Variants in ASTN1 observed in about 807,000 individuals in gnomAD.
ASTN1 encodes the protein astrotactin-1.
ASTN1 carries 41 observed loss-of-function variants against 140.7 expected under a neutral mutation model. The ratio of observed to expected loss-of-function variants is 0.29; its 90% CI spans 0.23 to 0.38. ASTN1 has a LOEUF of 0.38. Among genes scored for constraint, ASTN1 ranks in the 10% least tolerant of loss-of-function variants. The pLI is 1.00. For synonymous variants in ASTN1, 640 were observed against 652.2 expected, an observed-to-expected ratio of 0.98 and a Z score of 0.29; for missense variants, 1,479 against 1,678.8, an observed-to-expected ratio of 0.88 and a Z score of 2.08.
chr1:177,091,512 G>T (rs191103528), intron 1 of ASTN1, among the ~76,000 whole-genome samples: 1 of 152,026 alleles, frequency 6.6e-6, no homozygotes, highest in Non-Finnish European at 1.5e-5. Context: ...CTAGCTTCAC[G>T]TAACTTATAA....
chr1:176,954,063 G>A (rs74837737), intron 11 of ASTN1, among the ~76,000 whole-genome samples: 1,907 of 152,306 alleles, frequency 0.013, 39 homozygotes, highest in African/African-American at 0.04. Flanking sequence ...CAGGGAGGCT[G>A]AAGTCCTGCC....
intron 2 of ASTN1, among the ~76,000 whole-genome samples, chr1:177,046,684 C>G (rs1163088682): frequency 2.0e-5 from 3 of 152,178 alleles, no homozygotes; most frequent in African/African-American, 7.2e-5. Flanking sequence ...CACACACATG[C>G]AGAGGGAGAG....
intron 22 of ASTN1, among the ~76,000 whole-genome samples, chr1:176,867,028 C>G (rs971852604): frequency 2.6e-5 from 4 of 152,174 alleles, no homozygotes; most frequent in African/African-American, 9.7e-5. Context: ...CCATGAAAGA[C>G]TAGTATTACA....
chr1:176,937,147 T>C (rs1671485679), intron 14 of ASTN1, among the ~76,000 whole-genome samples: 2 of 152,210 alleles, frequency 1.3e-5, no homozygotes, highest in African/African-American at 4.8e-5. Context: ...TGATTTTTAC[T>C]CTCTTTAATG....
intron 2 of ASTN1, among the ~76,000 whole-genome samples, chr1:177,055,006 C>G (rs904600673): frequency 1.3e-5 from 2 of 152,140 alleles, no homozygotes; most frequent in African/African-American, 2.4e-5. Flanking sequence ...AGTGTTGTCT[C>G]TTTTATCTCT....
Position 176,861,568 on chromosome 1 carries a change from C to T in ASTN1, c.*2716G>A, listed in dbSNP as rs1667962705. On this transcript the variant is annotated 3_prime_UTR_variant, in exon 23 of 23. Coordinates refer to ENST00000361833, the MANE Select transcript of ASTN1 (RefSeq NM_004319.3). ...ATAGTGTCTTCCAAGGGGAAAAAAT[C>T]CTCCAGTCAATTGTACAACCATCCT... 2.0e-6 allele frequency: 2 copies of T among 985,546 alleles called. No individual in the cohort carries two copies. Among genetic ancestry groups the T allele is most frequent in the South Asian group, 9.4e-5 (2 of 21,284 alleles). The allele number at this position is 985,546 out of a possible 1,614,324, so 61.1% of individuals were successfully genotyped here.
chr1:177,042,849 T>A (rs1677043110), intron 2 of ASTN1, among the ~76,000 whole-genome samples: 1 of 152,208 alleles, frequency 6.6e-6, no homozygotes, highest in Non-Finnish European at 1.5e-5. Context: ...TTTCTTTCAA[T>A]TAAACCCCAG....
At chr1:176,970,823 GCATTT>G (rs1673114290) in intron 8 of ASTN1, among the ~76,000 whole-genome samples, 1 of 151,736 alleles carries the variant, frequency 6.6e-6, no homozygotes. Flanking sequence ...GATGAGTAGG[GCATTT>G]CATTAAGGGC....
At chr1:177,095,941 C>T (rs73047084) in intron 1 of ASTN1, among the ~76,000 whole-genome samples, 2,254 of 152,272 alleles carry the variant, frequency 0.015, 66 homozygotes, top group African/African-American at 0.051. Flanking sequence ...GAGAACCAAG[C>T]CTAGCCCCAG....
intron 8 of ASTN1, among the ~76,000 whole-genome samples, chr1:177,008,061 G>C (rs1368940208): frequency 6.6e-6 from 1 of 152,206 alleles, no homozygotes; most frequent in African/African-American, 2.4e-5. Flanking sequence ...TGAGAAGGAG[G>C]TGCAGAGTTT....
At chr1:177,074,856 A>G (rs1039090342) in intron 1 of ASTN1, among the ~76,000 whole-genome samples, 2 of 152,140 alleles carry the variant, frequency 1.3e-5, no homozygotes, top group African/African-American at 4.8e-5. Flanking sequence ...AAATATCACA[A>G]ATTCTTCAAT....
At chr1:177,042,710 C>G (rs1488094028) in intron 2 of ASTN1, among the ~76,000 whole-genome samples, 1 of 152,088 alleles carries the variant, frequency 6.6e-6, no homozygotes, top group Non-Finnish European at 1.5e-5. Context: ...GTAACTTATC[C>G]AAGTTTACAT....
chr1:176,903,420 G>C (rs1669852171), intron 16 of ASTN1, among the ~76,000 whole-genome samples: 1 of 152,030 alleles, frequency 6.6e-6, no homozygotes, highest in Non-Finnish European at 1.5e-5. Context: ...CCAGTGCTTG[G>C]CTTTATGGCC....
At chr1:177,029,289 C>G (rs1450758801) in intron 5 of ASTN1, 1 of 498,648 alleles carries the variant, frequency 2.0e-6, no homozygotes, top group African/African-American at 2.0e-5. Flanking sequence ...TCCATCTTTT[C>G]ACATACAACA....
intron 2 of ASTN1, among the ~76,000 whole-genome samples, chr1:177,054,094 T>C (rs1677677418): frequency 6.6e-6 from 1 of 151,980 alleles, no homozygotes; most frequent in East Asian, 1.9e-4. Context: ...AGGAGAGGAG[T>C]GCTTCTCAAA....
At chr1:176,927,656 A>C (rs1671028417) in intron 16 of ASTN1, among the ~76,000 whole-genome samples, 1 of 152,216 alleles carries the variant, frequency 6.6e-6, no homozygotes, top group South Asian at 2.1e-4. Context: ...GATGTTAATT[A>C]CATGCCAGGC....
At chr1:177,044,384 T>TGGG (rs902845911) in intron 2 of ASTN1, among the ~76,000 whole-genome samples, 1 of 151,978 alleles carries the variant, frequency 6.6e-6, no homozygotes, top group African/African-American at 2.4e-5. Context: ...TGTGATTGAG[T>TGGG]GGGGTGCAGG....
chr1:176,908,672 T>G (rs1430331564), intron 16 of ASTN1, among the ~76,000 whole-genome samples: 1 of 152,192 alleles, frequency 6.6e-6, no homozygotes, highest in East Asian at 1.9e-4. Context: ...TCTCACACTG[T>G]TATTCTGAAG....
chr1:176,989,860 G>A (rs1674077110), intron 8 of ASTN1, among the ~76,000 whole-genome samples: 1 of 151,818 alleles, frequency 6.6e-6, no homozygotes, highest in South Asian at 2.1e-4. Flanking sequence ...CCTCCCAACT[G>A]TTTCTGCTTG....
Sources: allele counts gnomAD v4.1 joint callset (sites outside exome capture counted in the v4.1 genomes callset), GRCh38; gene constraint gnomAD v4.1.1; transcripts MANE v1.5; gene names NCBI Gene and HGNC (gene_info 2026-07-23, HGNC 2026-07-21).